Variants in MPHOSPH9 observed in about 807,000 individuals in gnomAD.
The protein encoded by MPHOSPH9 is M-phase phosphoprotein 9.
In MPHOSPH9, 88 loss-of-function variants were observed where a neutral mutation model predicts 145.5. The observed-to-expected ratio is 0.60, with a 90% CI of 0.51 to 0.72. MPHOSPH9 has a LOEUF of 0.72. Ranked by LOEUF, MPHOSPH9 falls within the 30% of genes least tolerant of loss-of-function variation. The pLI, the probability that MPHOSPH9 is intolerant of heterozygous loss-of-function variation, is 0.00. For synonymous variants in MPHOSPH9, 435 were observed against 486.2 expected (o/e 0.89, Z 1.39); for missense variants, 1,238 against 1,386.6 (o/e 0.89, Z 1.70).
downstream of MPHOSPH9, chr12:123,152,859 G>A (rs536494777): frequency 1.7e-5 from 3 of 174,548 alleles, no homozygotes; most frequent in South Asian, 2.2e-4. Flanking sequence ...AAGGCTACAG[G>A]TGTGCATTTA....
At chr12:123,205,427 TCC>T (rs2046385153) in intron 8 of MPHOSPH9, among the ~76,000 whole-genome samples, 1 of 152,078 alleles carries the variant, frequency 6.6e-6, no homozygotes, top group South Asian at 2.1e-4. Context: ...GTGCCTGTAA[TCC>T]CAGCTACTTG....
At chr12:123,184,001 T>C (rs1388185325) in intron 13 of MPHOSPH9, among the ~76,000 whole-genome samples, 3 of 151,890 alleles carry the variant, frequency 2.0e-5, no homozygotes, top group African/African-American at 4.8e-5. Flanking sequence ...AGCCCAGGAG[T>C]TGGAGACCAG....
In MPHOSPH9 at chr12:123,156,737, TGCC is replaced by T; in HGVS notation, c.*67_*69del. The stretch of plus-strand genomic sequence containing the variant: ...GGCTTATAAACAGTACAAAATAGTT[TGCC>T]TTTTCTGACTGCATAATTATACATT... On this transcript the variant is annotated 3_prime_UTR_variant, in exon 24 of 24. Coordinates refer to ENST00000606320, the MANE Select transcript of MPHOSPH9 (RefSeq NM_022782.4). 1 of 1,207,902 alleles carries T rather than the reference TGCC, an allele frequency of 8.3e-7. No individual in the cohort carries two copies. The allele number at this position is 1,207,902 out of a possible 1,614,324, so 74.8% of individuals were successfully genotyped here.
intron 3 of MPHOSPH9, among the ~76,000 whole-genome samples, chr12:123,225,001 T>C (rs2047378783): frequency 6.6e-6 from 1 of 152,214 alleles, no homozygotes. Flanking sequence ...CAAATACATG[T>C]TATTTTACTG....
intron 21 of MPHOSPH9, among the ~76,000 whole-genome samples, chr12:123,161,758 A>G (rs777600635): frequency 3.3e-5 from 5 of 152,180 alleles, no homozygotes; most frequent in Admixed American, 2.0e-4. Context: ...GGCCTACCCA[A>G]GTGATTTCAC....
chr12:123,181,343 A>C, intron 13 of MPHOSPH9, 133 bp from the exon 14 acceptor site: 1 of 663,360 alleles, frequency 1.5e-6, no homozygotes. Flanking sequence ...TCAATAGAGA[A>C]CTGGTGATTC....
intron 8 of MPHOSPH9, among the ~76,000 whole-genome samples, chr12:123,209,797 CGCA>C (rs2046625552): frequency 1.4e-5 from 2 of 140,102 alleles, no homozygotes; most frequent in South Asian, 4.6e-4. Flanking sequence ...AGTGCAGTGG[CGCA>C]ATCTCCCCTC....
Position 123,166,794 on chromosome 12 carries a change from T to C in MPHOSPH9, c.2457-5A>G, listed in dbSNP as rs773379362. On this transcript the variant is annotated splice_region_variant and splice_polypyrimidine_tract_variant and intron_variant, in intron 16 of 23. Coordinates refer to ENST00000606320, the MANE Select transcript of MPHOSPH9 (RefSeq NM_022782.4). Reference sequence around the variant, plus strand: ...ACGTCTGAAGTTGCTAGTGTGCTATTAGAATGAAAACGGTCAGGCATTATA... The same window carrying C: ...ACGTCTGAAGTTGCTAGTGTGCTATCAGAATGAAAACGGTCAGGCATTATA... 1 of 1,610,574 alleles carries C rather than the reference T, an allele frequency of 6.2e-7. No individual in the cohort carries two copies. The highest frequency in any genetic ancestry group is 2.2e-5 in the East Asian group (1 of 44,870).
At chr12:123,170,850 A>G (rs1226486954) in intron 16 of MPHOSPH9, among the ~76,000 whole-genome samples, 1 of 152,170 alleles carries the variant, frequency 6.6e-6, no homozygotes, top group Admixed American at 6.5e-5. Flanking sequence ...TCTCCAGACA[A>G]GCTGTATCAA....
chr12:123,227,644 T>A, intron 2 of MPHOSPH9, 28 bp from the exon 3 acceptor site: 3 of 1,474,206 alleles, frequency 2.0e-6, no homozygotes, highest in Non-Finnish European at 2.7e-6. Flanking sequence ...ATTCAAATGG[T>A]TTTCTTCATT....
intron 3 of MPHOSPH9, 70 bp downstream of exon 3, chr12:123,227,388 ATAATT>A: frequency 8.8e-7 from 1 of 1,138,472 alleles, no homozygotes; most frequent in African/African-American, 1.6e-5. Flanking sequence ...TAAATTTCTA[ATAATT>A]TAGAGTTTAG....
At chr12:123,213,248 C>T (rs2046820567) in intron 7 of MPHOSPH9, among the ~76,000 whole-genome samples, 2 of 152,004 alleles carry the variant, frequency 1.3e-5, no homozygotes, top group Admixed American at 6.6e-5. Context: ...GATAATTTTG[C>T]CCAACTGTGG....
intron 7 of MPHOSPH9, among the ~76,000 whole-genome samples, chr12:123,214,356 T>G (rs576012261): frequency 4.0e-4 from 61 of 152,174 alleles, no homozygotes; most frequent in African/African-American, 1.2e-3. Flanking sequence ...TGAGGCAACA[T>G]GGCGAAACCC....
intron 21 of MPHOSPH9, 118 bp downstream of exon 21, chr12:123,161,997 C>T (rs2044130452): frequency 1.8e-6 from 1 of 551,468 alleles, no homozygotes; most frequent in Admixed American, 3.7e-5. Context: ...TTTCAGACGC[C>T]CTTGAGTGGG....
At chr12:123,238,277 C>A (rs2047881756) in intron 1 of MPHOSPH9, among the ~76,000 whole-genome samples, 3 of 152,138 alleles carry the variant, frequency 2.0e-5, no homozygotes. Context: ...TCTGGCACCA[C>A]CTGCTGGCCG....
intron 3 of MPHOSPH9, among the ~76,000 whole-genome samples, chr12:123,224,139 T>A (rs1302485281): frequency 7.2e-6 from 1 of 139,650 alleles, no homozygotes; most frequent in Non-Finnish European, 1.6e-5. Context: ...CATTTTTTTT[T>A]TTTTTTTTTT....
Position 123,165,473 on chromosome 12 carries a change from G to C in MPHOSPH9, c.2596C>G (p.Arg866Gly). 1 of 1,612,758 alleles carries C rather than the reference G, an allele frequency of 6.2e-7. No homozygotes were observed. Among genetic ancestry groups the C allele is most frequent in the South Asian group, 1.1e-5 (1 of 91,028 alleles). ...GAAGAATCCTTTTCCAGAGGTGAAC[G>C]GTGCCTTAAACAATAATTTTAAGAC... is the stretch of plus-strand genomic sequence containing the variant. ...QLEETCSLGH[R>G]SPLEKDSSPG... The change falls in exon 18 of 24, where the codon CGT becomes GGT. Residue 866 changes from arginine (R) to glycine (G), a missense_variant. Arg to Gly is a moderately radical substitution (Grantham distance 125). Coordinates refer to ENST00000606320, the MANE Select transcript of MPHOSPH9 (RefSeq NM_022782.4).
rs1051431 is a variant in MPHOSPH9 at position 123,161,256 on chromosome 12, G to A, written c.3261C>T (p.Tyr1087=). ...TAWEKNKSVS[Y]EQCKPVSVTP... is the part of the protein sequence containing the mutation. The stretch of plus-strand genomic sequence containing the variant: ...TGACTGAAACCGGCTTACACTGTTC[G>A]TAGCTAACTGATTTATTCTTCTCCC... Residue 1087 remains tyrosine (Y), a synonymous_variant, in exon 22 of 24, where the codon TAC becomes TAT. Coordinates refer to ENST00000606320, the MANE Select transcript of MPHOSPH9 (RefSeq NM_022782.4). The A allele has an allele frequency of 0.76, 1,219,983 of 1,613,812 alleles. 473,646 individuals carry two copies. Among genetic ancestry groups the A allele is most frequent in the East Asian group, 0.97 (43,712 of 44,870 alleles).
chr12:123,168,637 C>T (rs776843708), intron 16 of MPHOSPH9, among the ~76,000 whole-genome samples: 4 of 152,006 alleles, frequency 2.6e-5, no homozygotes, highest in Non-Finnish European at 5.9e-5. Context: ...CCAACGCACC[C>T]GGCCGGCAAC....
Sources: allele counts gnomAD v4.1 joint callset (sites outside exome capture counted in the v4.1 genomes callset), GRCh38; gene constraint gnomAD v4.1.1; transcripts MANE v1.5; gene names NCBI Gene and HGNC (gene_info 2026-07-23, HGNC 2026-07-21).